The following VPS35 variants were observed in gnomAD, a reference collection of about 807,000 sequenced individuals.
VPS35 encodes the protein VPS35 retromer complex component.
A neutral mutation model predicts 98.1 loss-of-function variants in VPS35; 21 were observed. The observed-to-expected ratio is 0.21, with a 90% CI of 0.15 to 0.31. The LOEUF (loss-of-function observed/expected upper bound fraction) is 0.31. Among genes scored for constraint, VPS35 ranks in the 10% least tolerant of loss-of-function variants. The pLI is 1.00. For synonymous variants in VPS35, 268 were observed against 318.2 expected, an observed-to-expected ratio of 0.84 and a Z score of 1.68; for missense variants, 554 against 950.8, an observed-to-expected ratio of 0.58 and a Z score of 5.49.
intron 12 of VPS35, among the ~76,000 whole-genome samples, chr16:46,670,431 C>G (rs1294575374): frequency 1.3e-5 from 2 of 152,160 alleles, no homozygotes; most frequent in African/African-American, 4.8e-5. Context: ...TTACAGGCGC[C>G]CACCACCACG....
rs772115568 is a variant in VPS35, at chr16:46,661,911, T to A, written c.2068-50A>T. 7.4e-6 allele frequency: 12 copies of A among 1,611,926 alleles called. No individual in the cohort carries two copies. The highest frequency in any genetic ancestry group is 2.2e-5 in the East Asian group (1 of 44,860). ...GTGAAGAGATTAATGAAACATCTCG[T>A]TTTCATACAAAGAAACACAACACTA... is the stretch of plus-strand genomic sequence containing the variant. On this transcript the variant is annotated intron_variant, in intron 15 of 16. Transcript: ENST00000299138. This position sits in a 1 kb window ranked among gnomAD's most constrained non-coding sequence, Gnocchi z 4.3.
At position 46,680,668 on chromosome 16, in the gene VPS35, T is replaced by G. The variant is rs767778123; in HGVS notation, c.506+3A>C. ...AACAAAATTAAGAAAGAAAATCACT[T>G]ACTCTGTTGGCTCTCCTTCATCAGG... is the stretch of plus-strand genomic sequence containing the variant. On this transcript the variant is annotated splice_donor_region_variant and intron_variant, in intron 5 of 16. Transcript: ENST00000299138. The G allele has an allele frequency of 1.9e-6, 3 of 1,613,516 alleles. No individual in the cohort carries two copies. In the Admixed American group the frequency reaches 5.0e-5, roughly 27 times the overall value.
chr16:46,670,240 T>C (rs1182859694), intron 12 of VPS35, among the ~76,000 whole-genome samples: 1 of 152,194 alleles, frequency 6.6e-6, no homozygotes, highest in Non-Finnish European at 1.5e-5. Context: ...GACCCTATCA[T>C]TAAAGATCTC....
intron 13 of VPS35, among the ~76,000 whole-genome samples, chr16:46,666,701 C>T (rs1054138863): frequency 6.6e-6 from 1 of 152,208 alleles, no homozygotes; most frequent in African/African-American, 2.4e-5. Context: ...TCACTTAGAA[C>T]AATGTCCTCC....
rs1966224883 is a variant in VPS35 at position 46,680,933 on chromosome 16, C to T, written c.324-80G>A. The T allele has an allele frequency of 2.1e-6, 3 of 1,412,598 alleles. No homozygotes were observed. The Admixed American group carries it at 5.2e-5, about 25-fold the overall frequency. 87.5% of individuals were successfully genotyped at this position (1,412,598 alleles called of 1,614,324 possible). On this transcript the variant is annotated intron_variant, in intron 4 of 16. Transcript: ENST00000299138. The stretch of plus-strand genomic sequence containing the variant: ...TTATTTCCAAACACACTGAACAAAA[C>T]ATTAAATAAACAAGACAGGAACCAT...
At chr16:46,675,541 T>G (rs1966135384) in intron 8 of VPS35, among the ~76,000 whole-genome samples, 1 of 152,220 alleles carries the variant, frequency 6.6e-6, no homozygotes, top group Non-Finnish European at 1.5e-5. Context: ...ACTAGCTTCC[T>G]TTAAGAGTGG....
intron 13 of VPS35, among the ~76,000 whole-genome samples, chr16:46,665,890 A>C (rs1965981510): frequency 6.6e-6 from 1 of 152,080 alleles, no homozygotes; most frequent in African/African-American, 2.4e-5. Flanking sequence ...TCCTGGGCTC[A>C]AGCTGTCCTC....
At chr16:46,666,679 G>A (rs1965994879) in intron 13 of VPS35, among the ~76,000 whole-genome samples, 1 of 152,172 alleles carries the variant, frequency 6.6e-6, no homozygotes, top group South Asian at 2.1e-4. Context: ...GCCTTTCTGT[G>A]TTTGGCTTAT....
chr16:46,681,814 A>G, intron 3 of VPS35: 1 of 542,502 alleles, frequency 1.8e-6, no homozygotes, highest in Non-Finnish European at 3.3e-6. Flanking sequence ...TAAAGAACCA[A>G]CTGTGTCATA....
At chr16:46,669,753 A>T (rs1399687092) in intron 12 of VPS35, among the ~76,000 whole-genome samples, 1 of 152,162 alleles carries the variant, frequency 6.6e-6, no homozygotes, top group Non-Finnish European at 1.5e-5. Context: ...AGATGCTAAT[A>T]CTTATTACAT....
chr16:46,679,044 C>G lies in VPS35; in HGVS notation c.619G>C (p.Glu207Gln). 1.2e-6 allele frequency: 2 copies of G among 1,614,100 alleles called. No homozygotes were observed. Among genetic ancestry groups the G allele is most frequent in the Non-Finnish European group, 1.7e-6 (2 of 1,180,016 alleles). The change falls in exon 6 of 17, where the codon GAA becomes CAA. Residue 207 changes from glutamate (E) to glutamine (Q), a missense_variant. Coordinates refer to ENST00000299138, the MANE Select transcript of VPS35 (RefSeq NM_018206.6). The stretch of plus-strand genomic sequence containing the variant: ...TCTTGTCTTTCTCGTTCTCTTTTTT[C>G]TCTATCTCGGCTATGTCCCTGATGC... ...MQHQGHSRDR[E>Q]KRERERQELR...
chr16:46,676,463 T>A, intron 8 of VPS35, 120 bp downstream of exon 8: 1 of 727,796 alleles, frequency 1.4e-6, no homozygotes, highest in Non-Finnish European at 2.4e-6. Context: ...ATTTATAGTA[T>A]AATTAAATTA....
In VPS35 at chr16:46,661,924, A is replaced by C. The variant is rs1366258581; in HGVS notation, c.2068-63T>G. ...TGAAACATCTCGTTTTCATACAAAGAAACACAACACTACCGTGGCTCTTTC... is the reference window on the plus strand; with the variant it reads ...TGAAACATCTCGTTTTCATACAAAGCAACACAACACTACCGTGGCTCTTTC... On this transcript the variant is annotated intron_variant, in intron 15 of 16. Transcript: ENST00000299138. The surrounding 1 kb of genome is among the most constrained non-coding windows in gnomAD (Gnocchi z 4.3). 1 of 1,605,388 alleles carries C rather than the reference A, an allele frequency of 6.2e-7. No individual in the cohort carries two copies. Among genetic ancestry groups the C allele is most frequent in the Non-Finnish European group, 8.5e-7 (1 of 1,173,130 alleles).
At chr16:46,688,965 G>C (rs893240697) in intron 1 of VPS35, 166 bp downstream of exon 1, 1 of 1,507,680 alleles carries the variant, frequency 6.6e-7, no homozygotes, top group Non-Finnish European at 8.9e-7. Flanking sequence ...CAGCCTGCCC[G>C]CGGCCTTCCT....
At chr16:46,685,992 T>C (rs1203687897) in intron 1 of VPS35, among the ~76,000 whole-genome samples, 2 of 152,190 alleles carry the variant, frequency 1.3e-5, no homozygotes, top group African/African-American at 2.4e-5. Context: ...ATTACCACCA[T>C]CTATCTCTAA....
rs1450985489 is a variant in VPS35, at chr16:46,672,474, T to C, written c.1161-2A>G. On this transcript the variant is annotated splice_acceptor_variant, in intron 10 of 16. Transcript: ENST00000299138. LOFTEE classifies it high-confidence loss of function. ...GAAACTGCACTACTGGTAGCAATAC[T>C]ACAAAAAGAAAAACAGAAGTCTTAA... 1 of 1,611,110 alleles carries C rather than the reference T, an allele frequency of 6.2e-7. No homozygotes were observed.
chr16:46,679,216 T>C (rs376935553), intron 5 of VPS35, 60 bp from the exon 6 acceptor site: 30 of 1,428,952 alleles, frequency 2.1e-5, no homozygotes, highest in Non-Finnish European at 2.9e-5. Flanking sequence ...CTACTATCCT[T>C]CTCCTTTGTG....
Position 46,658,715 on chromosome 16 carries a change from T to C in VPS35, c.*1757A>G, listed in dbSNP as rs1443367417. On this transcript the variant is annotated 3_prime_UTR_variant, in exon 17 of 17. Transcript: ENST00000299138. ...AACACCTACAAAGAACAGAAAGGGT[T>C]TGCTGGACTATGACATACCACAGAA... 6.6e-6 allele frequency: 1 copy of C among 152,272 alleles called. No individual in the cohort carries two copies. The highest frequency in any genetic ancestry group is 2.4e-5 in the African/African-American group (1 of 41,462). 9.4% of individuals were successfully genotyped at this position (152,272 alleles called of 1,614,324 possible).
intron 2 of VPS35, 167 bp from the exon 3 acceptor site, chr16:46,682,342 C>T (rs763069232): frequency 4.1e-5 from 25 of 604,932 alleles, no homozygotes; most frequent in South Asian, 5.9e-5. Flanking sequence ...TTCACCTTGC[C>T]GTCTCTACTG....
Sources: gnomAD v4.1 joint callset for allele counts (sites outside exome capture counted in the v4.1 genomes callset) on GRCh38, gnomAD v4.1.1 for gene constraint, Gnocchi (gnomAD v3.1) non-coding constraint, MANE v1.5 for transcripts, NCBI Gene and HGNC (gene_info 2026-07-23, HGNC 2026-07-21) for gene names.